CNTN4: variants seen among roughly 807,000 people sequenced by gnomAD.
CNTN4 encodes contactin-4.
In CNTN4, 77 loss-of-function variants were observed where a neutral mutation model predicts 122.5. The ratio of observed to expected loss-of-function variants is 0.63; its 90% confidence interval spans 0.52 to 0.76. The LOEUF is 0.76. Among genes scored for constraint, CNTN4 ranks in the 30% least tolerant of loss-of-function variants. The pLI is 0.00. For synonymous variants in CNTN4, 512 were observed against 447.0 expected, an observed-to-expected ratio of 1.15 and a Z score of -1.83; for missense variants, 1,256 against 1,259.1, an observed-to-expected ratio of 1.00 and a Z score of 0.04.
At chr3:2,511,678 G>C (rs764108520) in intron 3 of CNTN4, 2 of 152,180 alleles carry the variant, frequency 1.3e-5, no homozygotes, top group Non-Finnish European at 2.9e-5. Context: ...GCGAAACTGG[G>C]ACATTTTACT....
In CNTN4 at chr3:2,392,443, A is replaced by AAAT. The variant is rs1349960624; in HGVS notation, c.-89+53212_-89+53214dup. On this transcript the variant is annotated intron_variant, in intron 3 of 24. Coordinates refer to ENST00000418658, the MANE Select transcript of CNTN4 (RefSeq NM_175607.3). ...TCATTATGCCTTGTTACCAGATGAA[A>AAAT]AATATGCACACAGTCTTCATGTTCA... Among the ~76,000 whole-genome samples, 4 of 152,294 alleles carry AAAT rather than the reference A, an allele frequency of 2.6e-5. No individual in the cohort carries two copies. In the East Asian group the frequency reaches 5.8e-4, roughly 22 times the overall value.
chr3:2,521,352 C>CCCCCA (rs2077212598), intron 3 of CNTN4, among the ~76,000 whole-genome samples: 1 of 32,638 alleles, frequency 3.1e-5, no homozygotes, highest in Admixed American at 3.5e-4. Context: ...ATCCCCCCCA[C>CCCCCA]CCCCCGCAAT....
intron 6 of CNTN4, among the ~76,000 whole-genome samples, chr3:2,765,369 T>C (rs1005545211): frequency 7.2e-5 from 11 of 152,236 alleles, no homozygotes; most frequent in African/African-American, 1.7e-4. Context: ...CAAGTAATGC[T>C]GATAGTGCTT....
intron 4 of CNTN4, among the ~76,000 whole-genome samples, chr3:2,600,925 T>G (rs1380378944): frequency 1.3e-5 from 2 of 152,212 alleles, no homozygotes; most frequent in African/African-American, 4.8e-5. Flanking sequence ...TCATTGTGGT[T>G]TTGATTTGCA....
intron 2 of CNTN4, among the ~76,000 whole-genome samples, chr3:2,290,877 T>C (rs2149993302): frequency 6.6e-6 from 1 of 152,324 alleles, no homozygotes; most frequent in Admixed American, 6.5e-5. Context: ...TTGTAGAGTT[T>C]ATTGTGGCTA....
intron 2 of CNTN4, among the ~76,000 whole-genome samples, chr3:2,230,716 G>A (rs1472555565): frequency 6.6e-6 from 1 of 152,130 alleles, no homozygotes; most frequent in Non-Finnish European, 1.5e-5. Context: ...TGGGTGCGGT[G>A]GCTCACATCT....
At chr3:2,740,389 G>A (rs1375362829) in intron 5 of CNTN4, among the ~76,000 whole-genome samples, 2 of 152,098 alleles carry the variant, frequency 1.3e-5, no homozygotes, top group African/African-American at 2.4e-5. Context: ...AAGTCAGTAT[G>A]CCAGAGCAGC....
At chr3:2,583,029 A>AAATC (rs2080017320) in intron 4 of CNTN4, among the ~76,000 whole-genome samples, 1 of 152,208 alleles carries the variant, frequency 6.6e-6, no homozygotes, top group African/African-American at 2.4e-5. Flanking sequence ...AAAGAGACAA[A>AAATC]AATCAATCTA....
At chr3:2,213,916 T>G (rs1208851765) in intron 2 of CNTN4, among the ~76,000 whole-genome samples, 1 of 152,180 alleles carries the variant, frequency 6.6e-6, no homozygotes, top group Non-Finnish European at 1.5e-5. Context: ...GATGGGCTCA[T>G]TGGCATGCTA....
intron 14 of CNTN4, among the ~76,000 whole-genome samples, chr3:3,009,910 C>T (rs985269987): frequency 6.6e-5 from 10 of 151,222 alleles, no homozygotes; most frequent in African/African-American, 2.4e-4. Flanking sequence ...TGTGGAACTC[C>T]CCATACCCAC....
chr3:2,531,787 C>T (rs2149237122), intron 3 of CNTN4, among the ~76,000 whole-genome samples: 1 of 152,194 alleles, frequency 6.6e-6, no homozygotes, highest in South Asian at 2.1e-4. Context: ...TCTTGAGAGG[C>T]TAATGCATGC....
At chr3:2,938,338 T>A (rs2094583923) in intron 13 of CNTN4, among the ~76,000 whole-genome samples, 1 of 152,182 alleles carries the variant, frequency 6.6e-6, no homozygotes, top group African/African-American at 2.4e-5. Context: ...AGCGCTTGTT[T>A]TTTTTTTAGT....
intron 6 of CNTN4, among the ~76,000 whole-genome samples, chr3:2,809,784 T>A (rs1334339893): frequency 1.3e-5 from 2 of 152,096 alleles, no homozygotes; most frequent in African/African-American, 4.8e-5. Context: ...ACCTCATGAG[T>A]TAGATAGGTG....
chr3:2,140,909 T>G (rs1181946865), intron 2 of CNTN4, among the ~76,000 whole-genome samples: 1 of 152,216 alleles, frequency 6.6e-6, no homozygotes, highest in Non-Finnish European at 1.5e-5. Flanking sequence ...GAACATCTTT[T>G]GATTGTGTCA....
intron 4 of CNTN4, among the ~76,000 whole-genome samples, chr3:2,670,998 C>T (rs1194071830): frequency 4.6e-5 from 7 of 152,126 alleles, no homozygotes; most frequent in African/African-American, 1.2e-4. Flanking sequence ...GTGGGTAACC[C>T]GACCTTTCTC....
intron 12 of CNTN4, among the ~76,000 whole-genome samples, chr3:2,916,744 G>T (rs1247188703): frequency 8.3e-5 from 12 of 144,518 alleles, no homozygotes; most frequent in African/African-American, 2.5e-4. Context: ...TGGCGGCCGG[G>T]CAGAGGGGCT....
chr3:2,981,977 G>T (rs1694067831), intron 13 of CNTN4, among the ~76,000 whole-genome samples: 1 of 152,132 alleles, frequency 6.6e-6, no homozygotes, highest in African/African-American at 2.4e-5. Context: ...GTTGGAAGTT[G>T]CAGTGAGCCG....
intron 3 of CNTN4, among the ~76,000 whole-genome samples, chr3:2,488,423 G>A (rs1046777688): frequency 2.0e-5 from 3 of 152,118 alleles, no homozygotes; most frequent in Non-Finnish European, 4.4e-5. Flanking sequence ...AAATTGGTGT[G>A]TCTACATTGT....
At chr3:2,702,517 C>T (rs533270553) in intron 4 of CNTN4, among the ~76,000 whole-genome samples, 3 of 152,328 alleles carry the variant, frequency 2.0e-5, no homozygotes, top group African/African-American at 7.2e-5. Context: ...CTACTTGTTC[C>T]TCCTTGTGCC....
Sources: gnomAD v4.1 joint callset for allele counts (sites outside exome capture counted in the v4.1 genomes callset) on GRCh38, gnomAD v4.1.1 for gene constraint, MANE v1.5 for transcripts, NCBI Gene and HGNC (gene_info 2026-07-23, HGNC 2026-07-21) for gene names.